The following TMCO5A variants were observed in gnomAD, a reference collection of about 807,000 sequenced individuals.
The protein encoded by TMCO5A is transmembrane and coiled-coil domain-containing protein 5A.
Under a neutral mutation model 42.3 loss-of-function variants are expected in TMCO5A, and 34 were observed. The ratio of observed to expected loss-of-function variants is 0.80; its 90% confidence interval spans 0.61 to 1.07. The LOEUF is 1.07. Ranked by LOEUF, TMCO5A falls within the 50% of genes least tolerant of loss-of-function variation. TMCO5A has a pLI of 0.00. For missense variants in TMCO5A, 357 were observed against 327.9 expected, an observed-to-expected ratio of 1.09 and a Z score of -0.69; for synonymous variants, 131 against 115.6, an observed-to-expected ratio of 1.13 and a Z score of -0.86.
the TMCO5A span, among the ~76,000 whole-genome samples, chr15:38,018,298 T>A: frequency 6.6e-6 from 1 of 152,080 alleles, no homozygotes; most frequent in South Asian, 2.1e-4. Context: ...TAACTCTAAG[T>A]AAAGAGCGTT....
chr15:37,976,926 C>T, the TMCO5A span, among the ~76,000 whole-genome samples: 2 of 151,238 alleles, frequency 1.3e-5, no homozygotes, highest in Middle Eastern at 3.4e-3. Flanking sequence ...ACTGGGATTA[C>T]AGTGCCTGCC....
chr15:38,009,104 T>C, the TMCO5A span, among the ~76,000 whole-genome samples: 3 of 152,180 alleles, frequency 2.0e-5, no homozygotes, highest in African/African-American at 7.2e-5. Flanking sequence ...CAGCAAGCTG[T>C]TAAAGGAATA....
the TMCO5A span, among the ~76,000 whole-genome samples, chr15:38,016,288 C>T: frequency 6.6e-6 from 1 of 152,086 alleles, no homozygotes; most frequent in African/African-American, 2.4e-5. Context: ...TATATTAGCC[C>T]ATTGCCAATA....
At chr15:37,986,034 A>T in the TMCO5A span, among the ~76,000 whole-genome samples, 1 of 152,164 alleles carries the variant, frequency 6.6e-6, no homozygotes, top group African/African-American at 2.4e-5. Flanking sequence ...CTAGAAAAAA[A>T]CAACTGAGAC....
chr15:37,966,820 T>C, exon 12 of TMCO5A: 2 of 642,514 alleles, frequency 3.1e-6, no homozygotes, highest in Non-Finnish European at 2.8e-6. Flanking sequence ...GATGGAGTAC[T>C]CTGATTGGTC....
the TMCO5A span, among the ~76,000 whole-genome samples, chr15:37,992,223 T>C: frequency 6.6e-6 from 1 of 152,132 alleles, no homozygotes; most frequent in South Asian, 2.1e-4. Flanking sequence ...AAGACATACA[T>C]GCGGCCAACA....
chr15:38,027,761 C>T, the TMCO5A span, among the ~76,000 whole-genome samples: 1 of 152,138 alleles, frequency 6.6e-6, no homozygotes, highest in African/African-American at 2.4e-5. Context: ...GAACAGTTTC[C>T]TCCATACTAT....
At chr15:38,038,628 G>A in the TMCO5A span, among the ~76,000 whole-genome samples, 10 of 152,128 alleles carry the variant, frequency 6.6e-5, no homozygotes, top group South Asian at 1.9e-3. Context: ...GAATGGTCTC[G>A]ATCTCCTGAC....
At chr15:38,011,556 C>A in the TMCO5A span, among the ~76,000 whole-genome samples, 1 of 152,196 alleles carries the variant, frequency 6.6e-6, no homozygotes, top group Admixed American at 6.5e-5. Context: ...TGCACCAAGT[C>A]TTTTCATTTG....
chr15:37,946,749 T>C (rs181668827), intron 10 of TMCO5A, among the ~76,000 whole-genome samples: 3 of 151,312 alleles, frequency 2.0e-5, no homozygotes, highest in African/African-American at 7.3e-5. Flanking sequence ...AAGATGCTTT[T>C]GGACTGAGAT....
the TMCO5A span, among the ~76,000 whole-genome samples, chr15:37,995,845 C>CAA: frequency 0.049 from 6,884 of 140,834 alleles, 207 homozygotes; most frequent in East Asian, 0.12. Context: ...CAATCCCCTC[C>CAA]AAAAAAAAAA....
chr15:38,036,557 C>T, the TMCO5A span, among the ~76,000 whole-genome samples: 1 of 151,716 alleles, frequency 6.6e-6, no homozygotes, highest in Non-Finnish European at 1.5e-5. Context: ...TCACACCCAA[C>T]TTCTCACTAT....
intron 11 of TMCO5A, among the ~76,000 whole-genome samples, chr15:37,964,839 A>C (rs1476705124): frequency 6.6e-6 from 1 of 152,194 alleles, no homozygotes; most frequent in Non-Finnish European, 1.5e-5. Flanking sequence ...CATACTACCC[A>C]AAGCAATCTA....
the TMCO5A span, among the ~76,000 whole-genome samples, chr15:37,973,170 G>C: frequency 1.1e-5 from 1 of 87,834 alleles, no homozygotes; most frequent in East Asian, 2.8e-4. Context: ...TTTTTTTTTT[G>C]TACCATGCTG....
the TMCO5A span, among the ~76,000 whole-genome samples, chr15:38,029,442 G>C: frequency 1.3e-5 from 2 of 150,906 alleles, no homozygotes; most frequent in Non-Finnish European, 2.9e-5. Flanking sequence ...ATCCTGAGAA[G>C]CATAATCCAC....
the TMCO5A span, among the ~76,000 whole-genome samples, chr15:38,013,896 G>A: frequency 6.6e-6 from 1 of 152,126 alleles, no homozygotes; most frequent in Admixed American, 6.5e-5. Context: ...CCTTCTGCAG[G>A]CTCTAGGGAA....
chr15:37,946,827 A>G (rs1889980383), intron 10 of TMCO5A, among the ~76,000 whole-genome samples: 1 of 152,052 alleles, frequency 6.6e-6, no homozygotes, highest in Non-Finnish European at 1.5e-5. Context: ...CTCTTTTCCT[A>G]TTTGAATAGC....
At chr15:37,968,781 C>T (rs191114719), downstream of TMCO5A, among the ~76,000 whole-genome samples, 60 of 152,056 alleles carry the variant, frequency 3.9e-4, no homozygotes, top group African/African-American at 1.4e-3. Context: ...CGGGGTTTCA[C>T]CACATTGGCC....
the TMCO5A span, chr15:38,025,162 GGTGTGTGTGTGTGTGTGTGT>G: frequency 1.4e-5 from 2 of 147,488 alleles, no homozygotes; most frequent in Middle Eastern, 3.3e-3. Context: ...ACAGCTTTTG[GGTGTGTGTGTGTGTGTGTGT>G]GTGTGTGTGT....
Sources: gnomAD v4.1 joint callset for allele counts (sites outside exome capture counted in the v4.1 genomes callset) on GRCh38, gnomAD v4.1.1 for gene constraint, MANE v1.5 for transcripts, NCBI Gene and HGNC (gene_info 2026-07-23, HGNC 2026-07-21) for gene names.